Variants in CGN observed in about 807,000 individuals in gnomAD.
The protein encoded by CGN is cingulin.
In CGN, 121 loss-of-function variants were observed where a neutral mutation model predicts 157.1. The ratio of observed to expected loss-of-function variants is 0.77; its 90% confidence interval spans 0.66 to 0.90. CGN has a LOEUF of 0.90. Among genes scored for constraint, CGN ranks in the 40% least tolerant of loss-of-function variants. CGN has a pLI of 0.00. For missense variants in CGN, 1,424 were observed against 1,520.9 expected (o/e 0.94, Z 1.06); for synonymous variants, 535 against 607.5 (o/e 0.88, Z 1.76).
At chr1:151,510,316 A>T (rs1664253644), upstream of CGN, among the ~76,000 whole-genome samples, 1 of 152,230 alleles carries the variant, frequency 6.6e-6, no homozygotes, top group Admixed American at 6.5e-5. Context: ...ACTCCAATAG[A>T]TACAGGGTAA....
At position 151,534,135 on chromosome 1, in the gene CGN, A is replaced by G; in HGVS notation, c.2903A>G (p.Glu968Gly). 6.3e-7 allele frequency: 1 copy of G among 1,578,516 alleles called. No individual in the cohort carries two copies. Among genetic ancestry groups the G allele is most frequent in the Non-Finnish European group, 8.6e-7 (1 of 1,161,860 alleles). ...DDRARQLKGL[E>G]EKVSRLETEL... ...AGGGCCCGGCAGCTGAAGGGTCTCG[A>G]GGTGAGGGCACTGAGGTGTGACCTG... The change falls in exon 15 of 21, where the codon GAG (glutamate) becomes GGG (glycine). Residue 968 changes from glutamate to glycine, a missense_variant and splice_region_variant. By Grantham distance (98) the Glu-to-Gly change is moderately conservative (BLOSUM62 -2). Around this residue, in one of 3 missense-constraint regions of CGN, gnomAD observed 199 missense variants for 272.2 expected, o/e 0.73. Coordinates refer to ENST00000271636, the MANE Select transcript of CGN (RefSeq NM_020770.3).
At position 151,530,625 on chromosome 1, in the gene CGN, A is replaced by G; in HGVS notation, c.2450A>G (p.Gln817Arg). The change falls in exon 13 of 21, where the codon CAG (glutamine) becomes CGG (arginine). Residue 817 changes from glutamine (Q) to arginine (R), a missense_variant. Gln to Arg is a conservative substitution (Grantham distance 43). Coordinates refer to ENST00000271636, the MANE Select transcript of CGN (RefSeq NM_020770.3). ...RGLARLGQEQ[Q>R]TLNRALEEEG... ...CTGGCCCGCCTGGGGCAGGAGCAGC[A>G]GACACTGAACCGGGCCCTGGAGGAG... 1 of 1,608,656 alleles carries G rather than the reference A, an allele frequency of 6.2e-7. No homozygotes were observed. Among genetic ancestry groups the G allele is most frequent in the East Asian group, 2.2e-5 (1 of 44,706 alleles).
At position 151,536,305 on chromosome 1, in the gene CGN, T is replaced by C; in HGVS notation, c.3266T>C (p.Ile1089Thr). 2 of 1,612,976 alleles carry C rather than the reference T, an allele frequency of 1.2e-6. No homozygotes were observed. Among genetic ancestry groups the C allele is most frequent in the South Asian group, 1.1e-5 (1 of 91,034 alleles). The change falls in exon 19 of 21, where the codon ATT becomes ACT. Residue 1089 changes from isoleucine to threonine, a missense_variant. Coordinates refer to ENST00000271636, the MANE Select transcript of CGN (RefSeq NM_020770.3). ...AAAGTTAAAGAACTATCCATCCAGA[T>C]TGAAGACGAGCGGCAGCATGTCAAT... ...ERKVKELSIQ[I>T]EDERQHVNDQ...
rs141717082 is a variant in CGN at position 151,518,613 on chromosome 1, A to C, written c.94A>C (p.Met32Leu). ...FITEPVSGAE[M>L]GTLRRGGRRP... ...CACAGAGCCAGTGAGTGGTGCAGAGATGGGCACTCTACGTCGAGGTGGACG... is the reference window on the plus strand; with the variant it reads ...CACAGAGCCAGTGAGTGGTGCAGAGCTGGGCACTCTACGTCGAGGTGGACG... The change falls in exon 2 of 21, where the codon ATG (methionine) becomes CTG (leucine). Residue 32 changes from methionine (M) to leucine (L), a missense_variant. Physicochemically the swap from Met to Leu is conservative, Grantham distance 15 (BLOSUM62 2). This residue lies in a region of CGN where 1,187 missense variants were observed against 1,217.6 expected (regional missense o/e 0.97). Coordinates refer to ENST00000271636, the MANE Select transcript of CGN (RefSeq NM_020770.3). 4.3e-6 allele frequency: 7 copies of C among 1,613,970 alleles called. No individual in the cohort carries two copies. Among genetic ancestry groups the C allele is most frequent in the Non-Finnish European group, 5.9e-6 (7 of 1,180,020 alleles).
Position 151,524,790 on chromosome 1 carries a change from G to T in CGN, c.1518G>T (p.Glu506Asp). ...ELTALKGALKEEVASRDQEVE... is the reference protein window; with the variant it reads ...ELTALKGALKDEVASRDQEVE... ...CAGCCCTGAAGGGGGCCCTGAAAGA[G>T]GAGGTAGCCTCCCGTGACCAGGAGG... Residue 506 changes from glutamate (E) to aspartate (D), a missense_variant, in exon 8 of 21, where the codon GAG becomes GAT. Coordinates refer to ENST00000271636, the MANE Select transcript of CGN (RefSeq NM_020770.3). The surrounding 1 kb of genome is among the most constrained non-coding windows in gnomAD (Gnocchi z 4.4). 6.2e-7 allele frequency: 1 copy of T among 1,612,956 alleles called. No individual in the cohort carries two copies. Among genetic ancestry groups the T allele is most frequent in the African/African-American group, 1.3e-5 (1 of 75,016 alleles).
chr1:151,532,364 T>G, intron 13 of CGN, 38 bp from the exon 14 acceptor site: 1 of 1,461,534 alleles, frequency 6.8e-7, no homozygotes, highest in Non-Finnish European at 9.1e-7. Context: ...GAGGGTCATT[T>G]ATGTACAGTG....
intron 17 of CGN, 36 bp downstream of exon 17, chr1:151,535,719 C>A: frequency 6.2e-7 from 1 of 1,608,314 alleles, no homozygotes; most frequent in African/African-American, 1.3e-5. Flanking sequence ...GGGATGGACC[C>A]CAGGAGGTGA....
chr1:151,526,791 T>C (rs1397516990), intron 9 of CGN, among the ~76,000 whole-genome samples, 184 bp from the exon 10 acceptor site: 1 of 152,156 alleles, frequency 6.6e-6, no homozygotes, highest in South Asian at 2.1e-4. Context: ...TTTCTATCTA[T>C]GGTATGCTCT....
Position 151,536,464 on chromosome 1 carries a change from A to G in CGN, c.3306+119A>G, listed in dbSNP as rs1335731078. On this transcript the variant is annotated intron_variant, in intron 19 of 20. Transcript: ENST00000271636. ...TCCTCCAAACTTAGACTTTCCTTGT[A>G]TAAGGACAGAGATTAGATTGAAAAG... 3 of 664,908 alleles carry G rather than the reference A, an allele frequency of 4.5e-6. No homozygotes were observed. The Admixed American group carries it at 8.0e-5, about 18-fold the overall frequency. The allele number at this position is 664,908 out of a possible 1,614,324, so 41.2% of individuals were successfully genotyped here.
rs569819425 is a variant in CGN, at chr1:151,525,534, G to A, written c.1615-108G>A. ...CACAAGAGTGTCAGGGGGTGCACCTGGCATGGTGCCCTCTGGGTCTAAGCC... is the reference window on the plus strand; with the variant it reads ...CACAAGAGTGTCAGGGGGTGCACCTAGCATGGTGCCCTCTGGGTCTAAGCC... On this transcript the variant is annotated intron_variant, in intron 8 of 20. Coordinates refer to ENST00000271636, the MANE Select transcript of CGN (RefSeq NM_020770.3). 38 of 819,106 alleles carry A rather than the reference G, an allele frequency of 4.6e-5. No homozygotes were observed. In the African/African-American group the frequency reaches 6.1e-4, roughly 13 times the overall value. The allele number at this position is 819,106 out of a possible 1,614,324, so 50.7% of individuals were successfully genotyped here. A position where few individuals can be genotyped will look rare whatever the true frequency, so the allele number is the denominator to read the frequency against.
At chr1:151,512,018 G>A (rs1283496610) in intron 1 of CGN, among the ~76,000 whole-genome samples, 1 of 152,130 alleles carries the variant, frequency 6.6e-6, no homozygotes, top group African/African-American at 2.4e-5. Flanking sequence ...TGACTCTGAG[G>A]TGTGGGATTT....
intron 12 of CGN, 72 bp downstream of exon 12, chr1:151,530,187 A>G (rs1571667329): frequency 1.0e-5 from 15 of 1,483,060 alleles, no homozygotes; most frequent in Non-Finnish European, 1.4e-5. Context: ...GTAGTTAGCC[A>G]TCAGTTTCAC....
rs531617067 is a variant in CGN, at chr1:151,535,109, G to A, written c.2972G>A (p.Arg991Gln). ...EKNTVELLTD[R>Q]VNRGRDQVDQ... ...AACACCGTGGAGCTGCTAACAGATC[G>A]GGTGAATCGTGGCCGGGACCAGGTA... is the stretch of plus-strand genomic sequence containing the variant. Residue 991 changes from arginine (R) to glutamine (Q), a missense_variant, in exon 16 of 21, where the codon CGG becomes CAG. Physicochemically the swap from Arg to Gln is conservative, Grantham distance 43 (BLOSUM62 1). This residue lies in a region of CGN where 199 missense variants were observed against 272.2 expected (regional missense o/e 0.73). Coordinates refer to ENST00000271636, the MANE Select transcript of CGN (RefSeq NM_020770.3). The A allele has an allele frequency of 5.5e-5, 89 of 1,613,996 alleles. No homozygotes were observed. The South Asian group carries it at 7.9e-4, about 14-fold the overall frequency.
intron 2 of CGN, among the ~76,000 whole-genome samples, chr1:151,519,843 AT>A (rs2102489962): frequency 6.6e-6 from 1 of 152,352 alleles, no homozygotes; most frequent in Admixed American, 6.5e-5. Flanking sequence ...AAAGTAAATT[AT>A]TTATAAACTC....
Position 151,529,952 on chromosome 1 carries a change from G to T in CGN, c.2150G>T (p.Arg717Leu), listed in dbSNP as rs767053366. 6.2e-7 allele frequency: 1 copy of T among 1,614,112 alleles called. No individual in the cohort carries two copies. The highest frequency in any genetic ancestry group is 2.2e-5 in the East Asian group (1 of 44,878). The change falls in exon 12 of 21, where the codon CGG (arginine) becomes CTG (leucine). Residue 717 changes from arginine (R) to leucine (L), a missense_variant. Transcript: ENST00000271636. ...GCAGAGGCAACAGTGCTGGGGCAGC[G>T]GCGGGCCGCAGTGGAGACGACGCTT... Reference protein sequence around the residue: ...AEAEATVLGQRRAAVETTLRE... With the variant: ...AEAEATVLGQLRAAVETTLRE...
chr1:151,511,234 G>T (rs960915201), upstream of CGN, among the ~76,000 whole-genome samples: 2 of 152,204 alleles, frequency 1.3e-5, no homozygotes, highest in Admixed American at 6.5e-5. This position sits in a 1 kb window ranked among gnomAD's most constrained non-coding sequence, Gnocchi z 4.8. Flanking sequence ...GCCCTTCGCG[G>T]CTGGAGACCC....
intron 10 of CGN, 107 bp from the exon 11 acceptor site, chr1:151,529,243 A>C: frequency 1.1e-6 from 1 of 882,884 alleles, no homozygotes; most frequent in Non-Finnish European, 1.8e-6. Context: ...CAAAGTGGCC[A>C]CATCAGTTTT....
intron 1 of CGN, among the ~76,000 whole-genome samples, chr1:151,512,303 G>A (rs965591563): frequency 6.6e-6 from 1 of 152,110 alleles, no homozygotes; most frequent in Admixed American, 6.5e-5. Flanking sequence ...GCCCCTTTCT[G>A]GGGGCGGATG....
intron 14 of CGN, among the ~76,000 whole-genome samples, chr1:151,533,470 C>T (rs546939917): frequency 1.3e-5 from 2 of 150,438 alleles, no homozygotes; most frequent in Admixed American, 1.3e-4. Context: ...AGCAAGACTC[C>T]ATCTCAAAAA....
Sources: gnomAD v4.1 joint callset for allele counts (sites outside exome capture counted in the v4.1 genomes callset) on GRCh38, gnomAD v4.1.1 for gene constraint, gnomAD v4.1.1 regional missense constraint, Gnocchi (gnomAD v3.1) non-coding constraint, MANE v1.5 for transcripts, NCBI Gene and HGNC (gene_info 2026-07-23, HGNC 2026-07-21) for gene names.